Variants in GMDS observed in about 807,000 individuals in gnomAD.
The protein encoded by GMDS is GDP-mannose 4,6-dehydratase.
A neutral mutation model predicts 49.9 loss-of-function variants in GMDS; 20 were observed. That is an observed-to-expected ratio of 0.40 (90% CI 0.28 to 0.58). The LOEUF (loss-of-function observed/expected upper bound fraction) is 0.58, where lower values mean the gene tolerates loss of function less well. Ranked by LOEUF, GMDS falls within the 20% of genes least tolerant of loss-of-function variation. The pLI, the probability that GMDS is intolerant of heterozygous loss-of-function variation, is 0.42. For synonymous variants in GMDS, 177 were observed against 178.6 expected (o/e 0.99, Z 0.07); for missense variants, 362 against 481.4 (o/e 0.75, Z 2.32).
At chr6:2,225,591 C>A (rs116201705) in intron 1 of GMDS, among the ~76,000 whole-genome samples, 43 of 152,278 alleles carry the variant, frequency 2.8e-4, no homozygotes, top group African/African-American at 1.0e-3. Context: ...TTAGATTTTC[C>A]GGCTTGCATC....
chr6:2,074,957 T>C (rs1238758292), intron 4 of GMDS, among the ~76,000 whole-genome samples: 2 of 152,338 alleles, frequency 1.3e-5, no homozygotes, highest in East Asian at 3.9e-4. Flanking sequence ...TTGTTATAAG[T>C]ATGTAGATTT....
At chr6:2,077,029 A>T (rs1475359041) in intron 4 of GMDS, among the ~76,000 whole-genome samples, 1 of 152,108 alleles carries the variant, frequency 6.6e-6, no homozygotes, top group Non-Finnish European at 1.5e-5. Context: ...GGTTAAATTT[A>T]TTCCTATGTT....
At chr6:2,185,066 G>T (rs555386971) in intron 1 of GMDS, among the ~76,000 whole-genome samples, 1 of 152,304 alleles carries the variant, frequency 6.6e-6, no homozygotes, top group South Asian at 2.1e-4. Context: ...GGGAGGATAG[G>T]CTATTGGTCA....
At chr6:2,140,918 A>G (rs1381598811) in intron 1 of GMDS, among the ~76,000 whole-genome samples, 1 of 152,178 alleles carries the variant, frequency 6.6e-6, no homozygotes, top group African/African-American at 2.4e-5. Context: ...AGCTGACAGC[A>G]GTGAACTCTG....
intron 4 of GMDS, among the ~76,000 whole-genome samples, chr6:1,984,376 TTAAAA>T (rs1297912462): frequency 2.6e-5 from 4 of 152,228 alleles, no homozygotes; most frequent in African/African-American, 9.6e-5. Context: ...ACCTCTGAAC[TTAAAA>T]TAAAAGTTAG....
At chr6:1,915,414 A>G (rs1421212495) in intron 7 of GMDS, among the ~76,000 whole-genome samples, 3 of 152,220 alleles carry the variant, frequency 2.0e-5, no homozygotes, top group Non-Finnish European at 2.9e-5. Flanking sequence ...GAGCCTGAGC[A>G]GGGCAGGACT....
chr6:2,232,102 G>A (rs1436989284), intron 1 of GMDS, among the ~76,000 whole-genome samples: 1 of 151,774 alleles, frequency 6.6e-6, no homozygotes, highest in African/African-American at 2.4e-5. Context: ...ATAATTTGGT[G>A]AGTGTTCTTT....
At chr6:1,776,754 C>T (rs770428651) in intron 7 of GMDS, among the ~76,000 whole-genome samples, 2 of 152,168 alleles carry the variant, frequency 1.3e-5, no homozygotes, top group Admixed American at 6.5e-5. Flanking sequence ...CAGATTTACA[C>T]CATCGAAACC....
intron 7 of GMDS, among the ~76,000 whole-genome samples, chr6:1,808,904 C>CTGTGTGTGTG (rs35317273): frequency 2.7e-5 from 4 of 149,414 alleles, no homozygotes; most frequent in African/African-American, 7.4e-5. Context: ...CATGCTCTCT[C>CTGTGTGTGTG]TGTGTGTGTG....
intron 9 of GMDS, among the ~76,000 whole-genome samples, chr6:1,700,548 C>T (rs1367057637): frequency 6.6e-6 from 1 of 152,132 alleles, no homozygotes; most frequent in East Asian, 1.9e-4. Context: ...GCACCCTCAG[C>T]AGAGTCAGGA....
At chr6:1,711,739 C>A (rs539012450) in intron 9 of GMDS, among the ~76,000 whole-genome samples, 185 of 152,330 alleles carry the variant, frequency 1.2e-3, no homozygotes, top group African/African-American at 4.3e-3. Flanking sequence ...ATACCCCTTC[C>A]GTGCCCCTTA....
chr6:1,972,243 C>T (rs1764654702), intron 4 of GMDS, among the ~76,000 whole-genome samples: 1 of 147,422 alleles, frequency 6.8e-6, no homozygotes. Flanking sequence ...AAATATTAAA[C>T]TAAGTCTCCT....
intron 1 of GMDS, among the ~76,000 whole-genome samples, chr6:2,206,174 C>A (rs1779798634): frequency 6.6e-6 from 1 of 152,076 alleles, no homozygotes; most frequent in Non-Finnish European, 1.5e-5. Flanking sequence ...AGGAGAATCG[C>A]TTGAACCCGG....
chr6:1,877,158 C>T (rs537422381), intron 7 of GMDS, among the ~76,000 whole-genome samples: 1 of 151,824 alleles, frequency 6.6e-6, no homozygotes, highest in South Asian at 2.1e-4. Flanking sequence ...CATCTAACAG[C>T]CAGAGGCACA....
intron 4 of GMDS, among the ~76,000 whole-genome samples, chr6:1,991,003 T>A (rs764478976): frequency 2.6e-5 from 4 of 152,176 alleles, no homozygotes; most frequent in Admixed American, 1.3e-4. Flanking sequence ...GTCAGTATAG[T>A]GTTCAGTCAT....
At chr6:1,775,612 T>C (rs918569473) in intron 7 of GMDS, among the ~76,000 whole-genome samples, 5 of 152,232 alleles carry the variant, frequency 3.3e-5, no homozygotes, top group Non-Finnish European at 7.3e-5. Flanking sequence ...CCTGTGTATA[T>C]AGAGCGATTT....
chr6:1,995,738 A>G (rs1368623173), intron 4 of GMDS, among the ~76,000 whole-genome samples: 2 of 152,210 alleles, frequency 1.3e-5, no homozygotes, highest in Non-Finnish European at 2.9e-5. Flanking sequence ...AATGCAAGCC[A>G]GTCCTATGGC....
intron 9 of GMDS, among the ~76,000 whole-genome samples, chr6:1,690,994 C>T (rs1008772894): frequency 6.6e-6 from 1 of 152,178 alleles, no homozygotes; most frequent in Admixed American, 6.5e-5. Flanking sequence ...TTTGACCCAG[C>T]AATCCAATTA....
intron 7 of GMDS, among the ~76,000 whole-genome samples, chr6:1,847,491 C>T (rs1221493787): frequency 6.6e-6 from 1 of 152,104 alleles, no homozygotes; most frequent in African/African-American, 2.4e-5. Flanking sequence ...TTTTAAATAC[C>T]ATCACCTCAG....
Sources: allele counts gnomAD v4.1 joint callset (sites outside exome capture counted in the v4.1 genomes callset), GRCh38; gene constraint gnomAD v4.1.1; transcripts MANE v1.5; gene names NCBI Gene and HGNC (gene_info 2026-07-23, HGNC 2026-07-21).